Variants in UBE2V2 observed in about 807,000 individuals in gnomAD.
The protein encoded by UBE2V2 is ubiquitin conjugating enzyme E2 V2.
In UBE2V2, 9 loss-of-function variants were observed where a neutral mutation model predicts 17.2. The observed-to-expected ratio is 0.52, with a 90% confidence interval of 0.32 to 0.91. The LOEUF is 0.91. Among genes scored for constraint, UBE2V2 ranks in the 40% least tolerant of loss-of-function variants. UBE2V2 has a pLI of 0.04. For synonymous variants in UBE2V2, 61 were observed against 57.5 expected (o/e 1.06, Z -0.28); for missense variants, 133 against 182.6 (o/e 0.73, Z 1.56).
chr8:47,999,292 G>T, the UBE2V2 span, among the ~76,000 whole-genome samples: 1 of 152,058 alleles, frequency 6.6e-6, no homozygotes, highest in Non-Finnish European at 1.5e-5. Flanking sequence ...AGATCACCTG[G>T]TGGCTATCAA....
At chr8:48,006,146 G>A (rs889693992), upstream of UBE2V2, among the ~76,000 whole-genome samples, 2 of 152,114 alleles carry the variant, frequency 1.3e-5, no homozygotes, top group African/African-American at 4.8e-5. Flanking sequence ...TATGGTTTTA[G>A]GTCTTACGTT....
rs905511726 is a variant in UBE2V2, at chr8:48,062,672, C to T, written c.*1844C>T. Reference sequence around the variant, plus strand: ...TACTTTTATAGTAGAGCACATTTCTCAAACATGCCCTGAAAGGCTTTTATC... The same window carrying T: ...TACTTTTATAGTAGAGCACATTTCTTAAACATGCCCTGAAAGGCTTTTATC... On this transcript the variant is annotated 3_prime_UTR_variant, in exon 4 of 4. Coordinates refer to ENST00000523111, the MANE Select transcript of UBE2V2 (RefSeq NM_003350.3). 1.3e-5 allele frequency: 2 copies of T among 151,936 alleles called. No homozygotes were observed. The highest frequency in any genetic ancestry group is 2.9e-5 in the Non-Finnish European group (2 of 68,004). The allele number at this position is 151,936 out of a possible 1,614,324, so 9.4% of individuals were successfully genotyped here.
At chr8:47,999,175 G>C in the UBE2V2 span, among the ~76,000 whole-genome samples, 1 of 152,110 alleles carries the variant, frequency 6.6e-6, no homozygotes, top group Non-Finnish European at 1.5e-5. Context: ...GGGTGGCACA[G>C]AGAAGAGTTG....
the UBE2V2 span, among the ~76,000 whole-genome samples, chr8:47,997,493 T>C: frequency 2.0e-5 from 3 of 152,032 alleles, no homozygotes; most frequent in Non-Finnish European, 4.4e-5. Context: ...AGTCACATTG[T>C]TTCCTTCTCA....
chr8:48,053,524 A>G (rs1402145793), intron 3 of UBE2V2, among the ~76,000 whole-genome samples: 2 of 151,132 alleles, frequency 1.3e-5, no homozygotes, highest in Admixed American at 6.6e-5. Flanking sequence ...CCCAGGTTCA[A>G]GCAATTCTCT....
chr8:48,032,849 T>C (rs2154507370), intron 1 of UBE2V2, among the ~76,000 whole-genome samples: 1 of 152,306 alleles, frequency 6.6e-6, no homozygotes, highest in Non-Finnish European at 1.5e-5. Flanking sequence ...AGAGTGGGGT[T>C]GTAACTGATG....
chr8:48,040,695 C>T lies in UBE2V2; in HGVS notation c.17-2338C>T, dbSNP rs913716537. On this transcript the variant is annotated intron_variant, in intron 1 of 3. Transcript: ENST00000523111. Reference sequence around the variant, plus strand: ...TGTCTCCCGGGCAGGGGCTTGATCTCGGCTCACTTCAGCCTCCACCTCCTG... The same window carrying T: ...TGTCTCCCGGGCAGGGGCTTGATCTTGGCTCACTTCAGCCTCCACCTCCTG... 3.9e-5 allele frequency among the ~76,000 whole-genome samples: 6 copies of T among 152,116 alleles called. No homozygotes were observed. The East Asian group carries it at 5.8e-4, about 15-fold the overall frequency.
chr8:48,018,692 C>T (rs2091285415), intron 1 of UBE2V2, among the ~76,000 whole-genome samples: 1 of 152,088 alleles, frequency 6.6e-6, no homozygotes, highest in African/African-American at 2.4e-5. Context: ...TAGCTTAAGT[C>T]TCATGTTTCC....
At chr8:48,049,599 A>G in intron 2 of UBE2V2, 1 of 265,570 alleles carries the variant, frequency 3.8e-6, no homozygotes, top group Admixed American at 5.2e-5. Context: ...GATCATATTG[A>G]TAATACTTTG....
chr8:48,060,564 G>C (rs1563862164), intron 3 of UBE2V2, 118 bp from the exon 4 acceptor site: 1 of 899,640 alleles, frequency 1.1e-6, no homozygotes, highest in Non-Finnish European at 1.5e-6. Context: ...TGTATGTTTT[G>C]TGAAAATAGA....
At chr8:48,035,633 G>T (rs201177826) in intron 1 of UBE2V2, among the ~76,000 whole-genome samples, 16,942 of 58,582 alleles carry the variant, frequency 0.29, 2,475 homozygotes, top group African/African-American at 0.51. Context: ...TTTTTTTTTT[G>T]TGTGTGTGTG....
intron 1 of UBE2V2, among the ~76,000 whole-genome samples, chr8:48,021,916 A>G (rs202010037): frequency 2.7e-5 from 4 of 146,736 alleles, no homozygotes; most frequent in South Asian, 4.3e-4. Flanking sequence ...CTTACCTCAG[A>G]TGATCCACCT....
intron 1 of UBE2V2, among the ~76,000 whole-genome samples, chr8:48,022,735 C>G (rs948024116): frequency 2.6e-4 from 40 of 151,774 alleles, no homozygotes; most frequent in African/African-American, 9.7e-4. Context: ...AAGTCTTTAT[C>G]CTTTGTTTCT....
chr8:48,060,709 G>A lies in UBE2V2; in HGVS notation c.319G>A (p.Ala107Thr). ...GGATGCCCGGAGCATACCAGTGTTA[G>A]CAAAATGGCAAAATTCATATAGCAT... Reference protein sequence around the residue: ...MVDARSIPVLAKWQNSYSIKV... With the variant: ...MVDARSIPVLTKWQNSYSIKV... The change falls in exon 4 of 4, where the codon GCA (alanine) becomes ACA (threonine). Residue 107 changes from alanine (A) to threonine (T), a missense_variant. Transcript: ENST00000523111. 1.3e-6 allele frequency: 2 copies of A among 1,522,490 alleles called. No homozygotes were observed. The highest frequency in any genetic ancestry group is 1.8e-6 in the Non-Finnish European group (2 of 1,136,528). 94.3% of individuals were successfully genotyped at this position (1,522,490 alleles called of 1,614,324 possible).
upstream of UBE2V2, among the ~76,000 whole-genome samples, chr8:48,004,350 T>C (rs2091169874): frequency 6.6e-6 from 1 of 152,126 alleles, no homozygotes; most frequent in Non-Finnish European, 1.5e-5. Context: ...AATAATTTGA[T>C]GATAATATTA....
chr8:48,028,445 TCTC>T (rs1309389138), intron 1 of UBE2V2, among the ~76,000 whole-genome samples: 1 of 151,574 alleles, frequency 6.6e-6, no homozygotes, highest in Non-Finnish European at 1.5e-5. Flanking sequence ...TTCAAGCAAT[TCTC>T]CTGCCTCAGC....
chr8:48,041,973 A>T (rs765069849), intron 1 of UBE2V2: 2 of 152,072 alleles, frequency 1.3e-5, no homozygotes, highest in African/African-American at 4.8e-5. Context: ...TCGTATTTCT[A>T]ATAGAGATGG....
the UBE2V2 span, among the ~76,000 whole-genome samples, chr8:47,999,870 T>C: frequency 6.6e-6 from 1 of 152,206 alleles, no homozygotes; most frequent in Non-Finnish European, 1.5e-5. Context: ...TTTTAAGGGC[T>C]GACAACTCTA....
upstream of UBE2V2, among the ~76,000 whole-genome samples, chr8:48,005,013 C>CT (rs1374129034): frequency 6.9e-6 from 1 of 145,468 alleles, no homozygotes; most frequent in Non-Finnish European, 1.5e-5. Flanking sequence ...CTCTTAACTA[C>CT]TTTTTCTCCT....
Sources: gnomAD v4.1 joint callset for allele counts (sites outside exome capture counted in the v4.1 genomes callset) on GRCh38, gnomAD v4.1.1 for gene constraint, MANE v1.5 for transcripts, NCBI Gene and HGNC (gene_info 2026-07-23, HGNC 2026-07-21) for gene names.